Variants in NUDCD1 observed in about 807,000 individuals in gnomAD.
NUDCD1 encodes the protein NudC domain containing 1, also known as nudC domain-containing protein 1.
In NUDCD1, 60 loss-of-function variants were observed where a neutral mutation model predicts 67.8. That is an observed-to-expected ratio of 0.88 (90% CI 0.72 to 1.10). The LOEUF (loss-of-function observed/expected upper bound fraction) is 1.10, where lower values mean the gene tolerates loss of function less well. Among genes scored for constraint, NUDCD1 ranks in the 50% least tolerant of loss-of-function variants. The pLI, the probability that NUDCD1 is intolerant of heterozygous loss-of-function variation, is 0.00. For synonymous variants in NUDCD1, 244 were observed against 230.8 expected (o/e 1.06, Z -0.52); for missense variants, 643 against 695.0 (o/e 0.93, Z 0.84).
rs1236952597 is a variant in NUDCD1 at position 109,243,094 on chromosome 8, A to G, written c.1667T>C (p.Ile556Thr). Residue 556 changes from isoleucine to threonine, a missense_variant, in exon 10 of 10, where the codon ATT becomes ACT. Physicochemically the swap from Ile to Thr is moderately conservative, Grantham distance 89. Transcript: ENST00000239690. ...QVASLETNDP[I>T]LGFQATNERL... ...CTCATTTGTTGCCTGAAATCCTAAA[A>G]TAGGATCATTGGTTTCTAGGCTTGC... The G allele has an allele frequency of 3.1e-6, 5 of 1,613,346 alleles. No homozygotes were observed. The East Asian group carries it at 8.9e-5, about 29-fold the overall frequency.
intron 8 of NUDCD1, among the ~76,000 whole-genome samples, chr8:109,266,015 T>C (rs1458714054): frequency 6.6e-6 from 1 of 151,876 alleles, no homozygotes; most frequent in African/African-American, 2.4e-5. Flanking sequence ...TTTCACCTTC[T>C]GGTCATTCAA....
intron 7 of NUDCD1, among the ~76,000 whole-genome samples, chr8:109,273,417 A>G (rs1814205195): frequency 6.6e-6 from 1 of 152,178 alleles, no homozygotes; most frequent in Admixed American, 6.5e-5. Flanking sequence ...ATGCAGCTAC[A>G]GTAGTGCTTA....
chr8:109,286,448 G>C (rs1814576594), intron 5 of NUDCD1, among the ~76,000 whole-genome samples: 1 of 151,866 alleles, frequency 6.6e-6, no homozygotes, highest in African/African-American at 2.4e-5. Flanking sequence ...CAGATACACA[G>C]ACCAGTGGAC....
chr8:109,248,481 T>G (rs894957305), intron 8 of NUDCD1, among the ~76,000 whole-genome samples: 2 of 152,196 alleles, frequency 1.3e-5, no homozygotes, highest in East Asian at 3.9e-4. Context: ...TTCTGTAATA[T>G]CTTCACCAAG....
chr8:109,315,016 A>G (rs900571882), intron 2 of NUDCD1, among the ~76,000 whole-genome samples: 1 of 152,160 alleles, frequency 6.6e-6, no homozygotes, highest in Non-Finnish European at 1.5e-5. Context: ...TGAGACAATG[A>G]TATTTAAAAC....
At chr8:109,263,053 T>TAAAA in intron 8 of NUDCD1, among the ~76,000 whole-genome samples, 1 of 12,972 alleles carries the variant, frequency 7.7e-5, no homozygotes, top group Non-Finnish European at 1.2e-4. Context: ...AGACTCTGTC[T>TAAAA]CAAAAAAAAA....
At chr8:109,245,177 A>G in intron 9 of NUDCD1, 145 bp downstream of exon 9, 1 of 717,742 alleles carries the variant, frequency 1.4e-6, no homozygotes, top group Non-Finnish European at 2.2e-6. Context: ...ACTCACAACT[A>G]GTACAAGCAA....
rs750945304 is a variant in NUDCD1 at position 109,243,020 on chromosome 8, T to C, written c.1741A>G (p.Thr581Ala). 1.3e-6 allele frequency: 2 copies of C among 1,572,836 alleles called. No homozygotes were observed. The highest frequency in any genetic ancestry group is 8.7e-7 in the Non-Finnish European group (1 of 1,143,482). Residue 581 changes from threonine to alanine, a missense_variant, in exon 10 of 10, where the codon ACA (threonine) becomes GCA (alanine). Transcript: ENST00000239690. ...TKNLFLIKVN[T>A]EN The stretch of plus-strand genomic sequence containing the variant: ...ATATGTTAGAATAATTAATTCTCTG[T>C]ATTTACTTTTATTAAAAAGAGGTTT...
chr8:109,320,598 G>A (rs928534360), intron 2 of NUDCD1, among the ~76,000 whole-genome samples: 5 of 152,100 alleles, frequency 3.3e-5, no homozygotes, highest in African/African-American at 4.8e-5. Flanking sequence ...GTCCTGAGGC[G>A]ATAGACATCC....
intron 1 of NUDCD1, chr8:109,330,044 A>G: frequency 1.9e-6 from 1 of 530,810 alleles, no homozygotes; most frequent in Non-Finnish European, 2.9e-6. Context: ...ATGAAGTATG[A>G]ATTAGCTAGG....
intron 8 of NUDCD1, among the ~76,000 whole-genome samples, chr8:109,267,734 A>C (rs766488008): frequency 9.9e-5 from 15 of 152,228 alleles, no homozygotes; most frequent in Admixed American, 2.0e-4. Flanking sequence ...AAAATACTGG[A>C]AATGTCTCAT....
chr8:109,243,793 G>A (rs955834829), intron 9 of NUDCD1, among the ~76,000 whole-genome samples: 3 of 151,806 alleles, frequency 2.0e-5, no homozygotes, highest in Non-Finnish European at 1.5e-5. Flanking sequence ...ACTAGTATTC[G>A]TGATGCATTC....
At chr8:109,243,511 A>G (rs752409351) in intron 9 of NUDCD1, among the ~76,000 whole-genome samples, 2 of 152,176 alleles carry the variant, frequency 1.3e-5, no homozygotes, top group Admixed American at 1.3e-4. Flanking sequence ...TTAATTCCTA[A>G]GGAACAAAAC....
intron 8 of NUDCD1, among the ~76,000 whole-genome samples, chr8:109,265,522 AT>A (rs1450608569): frequency 6.6e-6 from 1 of 152,204 alleles, no homozygotes; most frequent in Non-Finnish European, 1.5e-5. Flanking sequence ...TCATAATGAC[AT>A]TAACTTAAAA....
In NUDCD1 at chr8:109,317,543, A is replaced by T. The variant is rs1225498680; in HGVS notation, c.273+4766T>A. Among the ~76,000 whole-genome samples the T allele has an allele frequency of 2.0e-5, 3 of 152,202 alleles. No homozygotes were observed. The East Asian group carries it at 5.8e-4, about 29-fold the overall frequency. On this transcript the variant is annotated intron_variant, in intron 2 of 9. Coordinates refer to ENST00000239690, the MANE Select transcript of NUDCD1 (RefSeq NM_032869.4). ...ATATCAGGATATTATCCTATGAGAA[A>T]GGATCCACAGGATCCATTGTTCTGT...
chr8:109,256,987 A>T (rs536066456), intron 8 of NUDCD1, among the ~76,000 whole-genome samples: 27 of 152,188 alleles, frequency 1.8e-4, no homozygotes, highest in African/African-American at 3.4e-4. Context: ...GAAAAAAAAA[A>T]CTCAGCAAAC....
chr8:109,249,664 G>A (rs1813577801), intron 8 of NUDCD1, among the ~76,000 whole-genome samples: 1 of 151,998 alleles, frequency 6.6e-6, no homozygotes, highest in Non-Finnish European at 1.5e-5. Context: ...CCCCTGAAAA[G>A]GGACAAAGTC....
rs760707944 is a variant in NUDCD1 at position 109,296,369 on chromosome 8, TAAAC to T, written c.459+11_459+14del. The T allele has an allele frequency of 1.2e-4, 191 of 1,608,462 alleles. 1 individual carries two copies. Among genetic ancestry groups the T allele is most frequent in the Non-Finnish European group, 2.0e-5 (24 of 1,175,388 alleles). ...TACTTTCTGGACTTCGCATAAGTCT[TAAAC>T]AAACCCTCACCTCCCATTTTTCAGA... On this transcript the variant is annotated intron_variant, in intron 3 of 9. Coordinates refer to ENST00000239690, the MANE Select transcript of NUDCD1 (RefSeq NM_032869.4).
At chr8:109,290,453 C>T (rs1368970530) in intron 4 of NUDCD1, among the ~76,000 whole-genome samples, 1 of 152,068 alleles carries the variant, frequency 6.6e-6, no homozygotes, top group African/African-American at 2.4e-5. Context: ...TAAGTTTCTT[C>T]TGAAAAGTGA....
Sources: gnomAD v4.1 joint callset for allele counts (sites outside exome capture counted in the v4.1 genomes callset) on GRCh38, gnomAD v4.1.1 for gene constraint, MANE v1.5 for transcripts, NCBI Gene and HGNC (gene_info 2026-07-23, HGNC 2026-07-21) for gene names.